The following TACR1 variants were observed in gnomAD, a reference collection of about 807,000 sequenced individuals.
TACR1 encodes the protein substance-P receptor.
In TACR1, 25 loss-of-function variants were observed where a neutral mutation model predicts 35.8. The observed-to-expected ratio is 0.70, with a 90% confidence interval of 0.51 to 0.98. The LOEUF (loss-of-function observed/expected upper bound fraction) is 0.98, where lower values mean the gene tolerates loss of function less well. Among genes scored for constraint, TACR1 ranks in the 50% least tolerant of loss-of-function variants. The pLI is 0.00. For missense variants in TACR1, 478 were observed against 522.9 expected (o/e 0.91, Z 0.84); for synonymous variants, 195 against 206.7 (o/e 0.94, Z 0.48).
intron 2 of TACR1, among the ~76,000 whole-genome samples, chr2:75,104,451 A>G (rs914635361): frequency 3.3e-5 from 5 of 152,072 alleles, no homozygotes; most frequent in African/African-American, 1.2e-4. Flanking sequence ...GGGGACTTTA[A>G]TAAGCCACTT....
chr2:75,129,159 C>T (rs1020983338), intron 1 of TACR1, among the ~76,000 whole-genome samples: 2 of 152,136 alleles, frequency 1.3e-5, no homozygotes, highest in Non-Finnish European at 2.9e-5. Context: ...AGGGGAATTG[C>T]ACTGATTGAA....
intron 1 of TACR1, among the ~76,000 whole-genome samples, chr2:75,177,632 G>T (rs1452427534): frequency 6.6e-6 from 1 of 152,042 alleles, no homozygotes; most frequent in Non-Finnish European, 1.5e-5. Flanking sequence ...CCACGTCCTT[G>T]CTTCTTTGTT....
chr2:75,104,409 A>G (rs920733680), intron 2 of TACR1, among the ~76,000 whole-genome samples: 20 of 152,080 alleles, frequency 1.3e-4, no homozygotes, highest in Admixed American at 1.3e-3. Context: ...ATGGGTCTTA[A>G]GGGAGAGATA....
chr2:75,137,801 C>T (rs1174967261), intron 1 of TACR1, among the ~76,000 whole-genome samples: 1 of 151,218 alleles, frequency 6.6e-6, no homozygotes, highest in African/African-American at 2.4e-5. Flanking sequence ...CTCTTTGGCC[C>T]CTAGGATCTT....
intron 1 of TACR1, among the ~76,000 whole-genome samples, chr2:75,174,657 G>A (rs981832434): frequency 1.3e-5 from 2 of 152,224 alleles, no homozygotes; most frequent in African/African-American, 2.4e-5. Flanking sequence ...GCAAATGGTT[G>A]CTGACAGAGG....
At chr2:75,168,352 G>A (rs961405543) in intron 1 of TACR1, among the ~76,000 whole-genome samples, 2 of 152,200 alleles carry the variant, frequency 1.3e-5, no homozygotes, top group Admixed American at 6.5e-5. Context: ...GAGATAAGGA[G>A]ATCATCCTGG....
At chr2:75,145,290 A>G (rs1377543345) in intron 1 of TACR1, among the ~76,000 whole-genome samples, 2 of 152,148 alleles carry the variant, frequency 1.3e-5, no homozygotes, top group Non-Finnish European at 2.9e-5. Flanking sequence ...TCTTAAATGC[A>G]ATGATGAAAA....
intron 2 of TACR1, among the ~76,000 whole-genome samples, chr2:75,096,085 T>C (rs911981123): frequency 3.3e-5 from 5 of 152,162 alleles, no homozygotes; most frequent in Non-Finnish European, 7.4e-5. Flanking sequence ...AAAGGGGACA[T>C]GTACAAAGTC....
chr2:75,172,136 TCTC>T (rs1274273148), intron 1 of TACR1, among the ~76,000 whole-genome samples: 6 of 152,232 alleles, frequency 3.9e-5, no homozygotes, highest in African/African-American at 1.4e-4. Flanking sequence ...AGAAGAGTGC[TCTC>T]CTCATTTTGT....
chr2:75,133,680 A>T (rs1674222461), intron 1 of TACR1, among the ~76,000 whole-genome samples: 2 of 152,204 alleles, frequency 1.3e-5, no homozygotes, highest in Non-Finnish European at 2.9e-5. Flanking sequence ...CTCACTGTCA[A>T]CAATGAGTGC....
chr2:75,111,856 G>A (rs1334350101), intron 2 of TACR1, among the ~76,000 whole-genome samples: 5 of 151,992 alleles, frequency 3.3e-5, no homozygotes, highest in East Asian at 1.9e-4. Context: ...GAAACAGGGC[G>A]AGTATGAGAG....
At chr2:75,097,044 A>C (rs919782152) in intron 2 of TACR1, among the ~76,000 whole-genome samples, 1 of 152,196 alleles carries the variant, frequency 6.6e-6, no homozygotes, top group Non-Finnish European at 1.5e-5. Context: ...TTACTATAGC[A>C]TGTTGCCTCA....
chr2:75,120,589 T>C lies in TACR1; in HGVS notation c.569A>G (p.Lys190Arg), dbSNP rs771754437. The part of the protein sequence containing the change: ...CMIEWPEHPN[K>R]IYEKVYHICV... ...CTCTACTCACACTTTCTCATAAATC[T>C]TGTTCGGATGCTCTGGCCATTCGAT... The change falls in exon 2 of 5, where the codon AAG (lysine) becomes AGG (arginine). Residue 190 changes from lysine (K) to arginine (R), a missense_variant. By Grantham distance (26) the Lys-to-Arg change is conservative. Transcript: ENST00000305249. 2 of 1,604,178 alleles carry C rather than the reference T, an allele frequency of 1.2e-6. No individual in the cohort carries two copies. Among genetic ancestry groups the C allele is most frequent in the South Asian group, 1.1e-5 (1 of 89,488 alleles).
chr2:75,172,225 G>A (rs943555079), intron 1 of TACR1, among the ~76,000 whole-genome samples: 1 of 152,162 alleles, frequency 6.6e-6, no homozygotes, highest in Non-Finnish European at 1.5e-5. Flanking sequence ...ACAAACAGGG[G>A]CCATTGAACA....
At chr2:75,124,133 C>T (rs1674026270) in intron 1 of TACR1, among the ~76,000 whole-genome samples, 1 of 152,166 alleles carries the variant, frequency 6.6e-6, no homozygotes, top group Admixed American at 6.5e-5. Flanking sequence ...GGTTCCAGTC[C>T]CACTGAGGGC....
intron 1 of TACR1, among the ~76,000 whole-genome samples, chr2:75,152,487 C>G (rs1283815679): frequency 6.6e-6 from 1 of 152,146 alleles, no homozygotes; most frequent in Non-Finnish European, 1.5e-5. Flanking sequence ...TTCACCTCCC[C>G]CCATGATCCT....
At chr2:75,129,959 TTA>T (rs1558562944) in intron 1 of TACR1, among the ~76,000 whole-genome samples, 1 of 152,170 alleles carries the variant, frequency 6.6e-6, no homozygotes, top group Non-Finnish European at 1.5e-5. Context: ...CAGATCTCTT[TTA>T]TTCGAACTAA....
At chr2:75,198,423 T>C in intron 1 of TACR1, 123 bp downstream of exon 1, 1 of 1,164,330 alleles carries the variant, frequency 8.6e-7, no homozygotes. Flanking sequence ...AGTTGATCAG[T>C]AAAAAAACCC....
intron 2 of TACR1, among the ~76,000 whole-genome samples, chr2:75,070,386 A>G (rs1672854578): frequency 6.6e-6 from 1 of 152,186 alleles, no homozygotes; most frequent in African/African-American, 2.4e-5. Flanking sequence ...TTGGAGAATA[A>G]AAACCACCAT....
Sources: gnomAD v4.1 joint callset for allele counts (sites outside exome capture counted in the v4.1 genomes callset) on GRCh38, gnomAD v4.1.1 for gene constraint, MANE v1.5 for transcripts, NCBI Gene and HGNC (gene_info 2026-07-23, HGNC 2026-07-21) for gene names.